Variants in COL14A1 observed in about 807,000 individuals in gnomAD.
The protein encoded by COL14A1 is collagen alpha-1(XIV) chain.
COL14A1 carries 136 observed loss-of-function variants against 230.3 expected under a neutral mutation model. The observed-to-expected ratio is 0.59, with a 90% CI of 0.51 to 0.68. The LOEUF (loss-of-function observed/expected upper bound fraction) is 0.68, where lower values mean the gene tolerates loss of function less well. Ranked by LOEUF, COL14A1 falls within the 30% of genes least tolerant of loss-of-function variation. The pLI is 0.00. For synonymous variants in COL14A1, 792 were observed against 784.1 expected (o/e 1.01, Z -0.17); for missense variants, 1,976 against 2,215.8 (o/e 0.89, Z 2.17).
At chr8:120,354,329 C>A in intron 45 of COL14A1, among the ~76,000 whole-genome samples, 1 of 122,624 alleles carries the variant, frequency 8.2e-6, no homozygotes, top group Non-Finnish European at 1.6e-5. Context: ...CAGCATGGCA[C>A]ATGTATACAT....
chr8:120,191,722 G>A (rs938523722), intron 5 of COL14A1, among the ~76,000 whole-genome samples: 1 of 150,012 alleles, frequency 6.7e-6, no homozygotes, highest in African/African-American at 2.4e-5. Context: ...TATGAATCTG[G>A]GTGCTCCTGT....
At chr8:120,349,427 C>A (rs954925378) in intron 45 of COL14A1, among the ~76,000 whole-genome samples, 1 of 147,610 alleles carries the variant, frequency 6.8e-6, no homozygotes, top group Non-Finnish European at 1.5e-5. Context: ...TTCAGACGAT[C>A]AAATTACTCT....
Position 120,244,027 on chromosome 8 carries a change from C to G in COL14A1, c.2479+19C>G, listed in dbSNP as rs754150147. 4 of 1,607,226 alleles carry G rather than the reference C, an allele frequency of 2.5e-6. No individual in the cohort carries two copies. The East Asian group carries it at 9.0e-5, about 36-fold the overall frequency. The stretch of plus-strand genomic sequence containing the variant: ...AAAACCTGTAAGTGAAGCTTTCTCC[C>G]TTTGAATACAAGCCGACTCATTAAA... On this transcript the variant is annotated intron_variant, in intron 20 of 47. Transcript: ENST00000297848.
At chr8:120,208,902 T>TA (rs985396876) in intron 11 of COL14A1, among the ~76,000 whole-genome samples, 22 of 152,052 alleles carry the variant, frequency 1.4e-4, no homozygotes, top group African/African-American at 5.1e-4. Flanking sequence ...AGATAATCTT[T>TA]AAAAAAAGAT....
In COL14A1 at chr8:120,372,373, C is replaced by T. The variant is rs1812187633; in HGVS notation, c.*1142C>T. Among the ~76,000 whole-genome samples the T allele has an allele frequency of 6.6e-6, 1 of 152,198 alleles. No individual in the cohort carries two copies. Among genetic ancestry groups the T allele is most frequent in the Non-Finnish European group, 1.5e-5 (1 of 68,022 alleles). On this transcript the variant is annotated 3_prime_UTR_variant, in exon 48 of 48. Transcript: ENST00000297848. The stretch of plus-strand genomic sequence containing the variant: ...TCTGATATTGAGGAAAGCCTAAAAA[C>T]CCCTAGAAGGCAGAGCAGAAATGAG...
chr8:120,240,735 A>G (rs1818585321), intron 19 of COL14A1, among the ~76,000 whole-genome samples: 1 of 152,230 alleles, frequency 6.6e-6, no homozygotes, highest in South Asian at 2.1e-4. Context: ...TTCAGCTTAA[A>G]CATATGTAAA....
chr8:120,127,980 C>T (rs1178252848), intron 1 of COL14A1, among the ~76,000 whole-genome samples: 3 of 152,090 alleles, frequency 2.0e-5, no homozygotes, highest in Non-Finnish European at 4.4e-5. Flanking sequence ...ACTAGTTGAT[C>T]CCCCCAGGGA....
At chr8:120,177,544 G>C (rs1356586332) in intron 5 of COL14A1, among the ~76,000 whole-genome samples, 3 of 151,364 alleles carry the variant, frequency 2.0e-5, no homozygotes, top group Admixed American at 6.6e-5. Flanking sequence ...AGCTACTCTG[G>C]AGGCTGAGGC....
At chr8:120,251,826 C>G (rs1180255931) in intron 22 of COL14A1, among the ~76,000 whole-genome samples, 1 of 152,056 alleles carries the variant, frequency 6.6e-6, no homozygotes, top group African/African-American at 2.4e-5. Flanking sequence ...GAATCCTTAG[C>G]TTATTCCAGT....
intron 26 of COL14A1, among the ~76,000 whole-genome samples, chr8:120,270,536 A>G (rs1586820045): frequency 6.6e-6 from 1 of 151,816 alleles, no homozygotes; most frequent in Admixed American, 6.6e-5. Flanking sequence ...ACCTTACTAT[A>G]GATCATGTGG....
intron 46 of COL14A1, among the ~76,000 whole-genome samples, chr8:120,367,576 GCTCTCTTCCATCTCAGAA>G (rs1823446197): frequency 6.6e-6 from 1 of 152,084 alleles, no homozygotes; most frequent in Admixed American, 6.6e-5. Context: ...GAATAAGGTA[GCTCTCTTCCATCTCAGAA>G]CCCATGACCT....
chr8:120,341,955 C>A (rs1822313619), intron 43 of COL14A1, among the ~76,000 whole-genome samples: 1 of 152,186 alleles, frequency 6.6e-6, no homozygotes, highest in Non-Finnish European at 1.5e-5. Context: ...TCTGTGAAAT[C>A]TTGGGCCATG....
rs566818893 is a variant in COL14A1 at position 120,281,153 on chromosome 8, A to C, written c.3824+94A>C. 5 of 1,159,664 alleles carry C rather than the reference A, an allele frequency of 4.3e-6. No individual in the cohort carries two copies. In the African/African-American group the frequency reaches 6.2e-5, roughly 14 times the overall value. The allele number at this position is 1,159,664 out of a possible 1,614,324, so 71.8% of individuals were successfully genotyped here. A position where few individuals can be genotyped will look rare whatever the true frequency, so the allele number is the denominator to read the frequency against. On this transcript the variant is annotated intron_variant, in intron 31 of 47. Coordinates refer to ENST00000297848, the MANE Select transcript of COL14A1 (RefSeq NM_021110.4). ...ACTTGAAATATGGTGTAATAGTCCCAGGTAGGATTTTCCACGACATTTAGA... is the reference window on the plus strand; with the variant it reads ...ACTTGAAATATGGTGTAATAGTCCCCGGTAGGATTTTCCACGACATTTAGA...
chr8:120,135,719 T>G (rs1394781569), intron 1 of COL14A1, among the ~76,000 whole-genome samples: 2 of 143,432 alleles, frequency 1.4e-5, no homozygotes, highest in African/African-American at 5.1e-5. Context: ...AACAGAGTAC[T>G]TTTTTTTTTT....
At chr8:120,303,917 A>C (rs1036009588) in intron 36 of COL14A1, among the ~76,000 whole-genome samples, 8 of 151,608 alleles carry the variant, frequency 5.3e-5, no homozygotes, top group African/African-American at 1.9e-4. Flanking sequence ...TCAATTTTAG[A>C]CCTTGTTATT....
At chr8:120,354,342 GTAAC>G (rs776885409) in intron 45 of COL14A1, among the ~76,000 whole-genome samples, 3 of 132,622 alleles carry the variant, frequency 2.3e-5, no homozygotes, top group Admixed American at 7.7e-5. Flanking sequence ...GTATACATAT[GTAAC>G]TAACCTGCAC....
At position 120,369,474 on chromosome 8, in the gene COL14A1, A is replaced by G. The variant is rs1823515216; in HGVS notation, c.5300A>G (p.Tyr1767Cys). ...GYCDPSSCSA[Y>C]GVRAPHPDQP... The stretch of plus-strand genomic sequence containing the variant: ...TGTGACCCCTCATCATGTTCTGCCT[A>G]TGGTGTGAGAGGTAAGTGTCACAAA... Residue 1767 changes from tyrosine to cysteine, a missense_variant, in exon 47 of 48, where the codon TAT becomes TGT. By Grantham distance (194) the Tyr-to-Cys change is radical. Transcript: ENST00000297848. 5 of 1,584,546 alleles carry G rather than the reference A, an allele frequency of 3.2e-6. No individual in the cohort carries two copies. In the South Asian group the frequency reaches 3.5e-5, roughly 11 times the overall value.
At chr8:120,309,335 T>G (rs2130079037) in intron 36 of COL14A1, among the ~76,000 whole-genome samples, 1 of 152,344 alleles carries the variant, frequency 6.6e-6, no homozygotes, top group East Asian at 1.9e-4. Flanking sequence ...TGTAATGCTG[T>G]ATTTGCTTTT....
chr8:120,167,793 C>T (rs1586732992), intron 4 of COL14A1, among the ~76,000 whole-genome samples: 1 of 152,196 alleles, frequency 6.6e-6, no homozygotes, highest in African/African-American at 2.4e-5. Flanking sequence ...CTGGCTTTAA[C>T]CCCATGCCAG....
Sources: gnomAD v4.1 joint callset for allele counts (sites outside exome capture counted in the v4.1 genomes callset) on GRCh38, gnomAD v4.1.1 for gene constraint, MANE v1.5 for transcripts, NCBI Gene and HGNC (gene_info 2026-07-23, HGNC 2026-07-21) for gene names.